The following FAM20A variants were observed in gnomAD, a reference collection of about 807,000 sequenced individuals.
FAM20A encodes FAM20A golgi associated secretory pathway pseudokinase.
A neutral mutation model predicts 52.0 loss-of-function variants in FAM20A; 42 were observed. The observed-to-expected ratio is 0.81, with a 90% CI of 0.63 to 1.04. The LOEUF (loss-of-function observed/expected upper bound fraction) is 1.04. Ranked by LOEUF, FAM20A falls within the 50% of genes least tolerant of loss-of-function variation. The pLI, the probability that FAM20A is intolerant of heterozygous loss-of-function variation, is 0.00. For missense variants in FAM20A, 742 were observed against 712.7 expected (o/e 1.04, Z -0.47); for synonymous variants, 304 against 298.9 (o/e 1.02, Z -0.18).
At chr17:68,556,900 A>G (rs1433088607) in intron 1 of FAM20A, among the ~76,000 whole-genome samples, 4 of 152,104 alleles carry the variant, frequency 2.6e-5, no homozygotes, top group African/African-American at 9.7e-5. Flanking sequence ...CAAAACAAAC[A>G]TGGCAGATTT....
chr17:68,571,808 T>G (rs888493620), intron 1 of FAM20A, among the ~76,000 whole-genome samples: 2 of 151,760 alleles, frequency 1.3e-5, no homozygotes, highest in African/African-American at 4.8e-5. Flanking sequence ...GAGGACCATC[T>G]TTAAGCAAAA....
chr17:68,562,987 C>T (rs118031422), intron 1 of FAM20A, among the ~76,000 whole-genome samples: 3,084 of 152,306 alleles, frequency 0.02, 57 homozygotes, highest in Middle Eastern at 0.034. Context: ...TCAAAGGCAT[C>T]GTTTGAGTGC....
At chr17:68,550,993 T>C (rs185175738) in intron 4 of FAM20A, 2 of 1,100,198 alleles carry the variant, frequency 1.8e-6, no homozygotes, top group Non-Finnish European at 2.3e-6. Context: ...AATCTGCCAG[T>C]CTAATTGTAT....
chr17:68,582,262 G>C (rs1272622975), intron 1 of FAM20A: 1 of 152,184 alleles, frequency 6.6e-6, no homozygotes, highest in African/African-American at 2.4e-5. Flanking sequence ...AGGGGAAGGG[G>C]GGCAGAGTTT....
At chr17:68,572,579 A>G (rs2087595435) in intron 1 of FAM20A, among the ~76,000 whole-genome samples, 3 of 152,100 alleles carry the variant, frequency 2.0e-5, no homozygotes, top group Non-Finnish European at 4.4e-5. Context: ...AAACCTCAGC[A>G]CTGCGTTTGT....
rs1354750427 is a variant in FAM20A at position 68,537,275 on chromosome 17, G to C, written c.*202C>G. ...GTGCTTTTTGGGAAAAACGGAGCAA[G>C]GCAACGCACGACAGAAGCGGTGCAC... On this transcript the variant is annotated 3_prime_UTR_variant, in exon 11 of 11. Coordinates refer to ENST00000592554, the MANE Select transcript of FAM20A (RefSeq NM_017565.4). This position sits in a 1 kb window ranked among gnomAD's most constrained non-coding sequence, Gnocchi z 4.2. 1 of 746,270 alleles carries C rather than the reference G, an allele frequency of 1.3e-6. No homozygotes were observed. The highest frequency in any genetic ancestry group is 2.3e-6 in the Non-Finnish European group (1 of 430,354). 46.2% of individuals were successfully genotyped at this position (746,270 alleles called of 1,614,324 possible).
chr17:68,557,018 G>T (rs1274137624), intron 1 of FAM20A, among the ~76,000 whole-genome samples: 2 of 151,902 alleles, frequency 1.3e-5, no homozygotes, highest in Non-Finnish European at 2.9e-5. Context: ...GGACAACAAT[G>T]ATAAAGCCCC....
chr17:68,553,915 T>C (rs1221888426), intron 3 of FAM20A, among the ~76,000 whole-genome samples: 2 of 131,378 alleles, frequency 1.5e-5, no homozygotes, highest in African/African-American at 5.6e-5. Flanking sequence ...TATACATATA[T>C]ACACACATAT....
chr17:68,570,659 AC>A (rs1269514912), intron 1 of FAM20A, among the ~76,000 whole-genome samples: 17 of 152,310 alleles, frequency 1.1e-4, no homozygotes, highest in African/African-American at 4.1e-4. Context: ...GTTAGGATGA[AC>A]CGAAATGATA....
chr17:68,551,779 C>T, intron 4 of FAM20A, 94 bp downstream of exon 4: 2 of 809,000 alleles, frequency 2.5e-6, no homozygotes, highest in Non-Finnish European at 2.1e-6. Flanking sequence ...GAATAACTGG[C>T]AGAAAGACTT....
rs1600564461 is a variant in FAM20A at position 68,551,181 on chromosome 17, G to T, written c.719+692C>A. 7 of 1,184,484 alleles carry T rather than the reference G, an allele frequency of 5.9e-6. No individual in the cohort carries two copies. The East Asian group carries it at 1.6e-4, about 27-fold the overall frequency. 73.4% of individuals were successfully genotyped at this position (1,184,484 alleles called of 1,614,324 possible). On this transcript the variant is annotated intron_variant, in intron 4 of 10. Transcript: ENST00000592554. ...CCTGTGGGCTGCAGATCCTTTGGGG[G>T]CCAGAAACCCAAACTCACACCAAGC...
In FAM20A at chr17:68,537,891, A is replaced by T; in HGVS notation, c.1362-150T>A. Reference sequence around the variant, plus strand: ...GCACATTTTAATGGAAACCAGGTAAAAAGGGAACAAATGAAAGGCAAAATC... The same window carrying T: ...GCACATTTTAATGGAAACCAGGTAATAAGGGAACAAATGAAAGGCAAAATC... On this transcript the variant is annotated intron_variant, in intron 10 of 10. Transcript: ENST00000592554. This position sits in a 1 kb window ranked among gnomAD's most constrained non-coding sequence, Gnocchi z 4.2. 1 of 951,700 alleles carries T rather than the reference A, an allele frequency of 1.1e-6. No individual in the cohort carries two copies. The highest frequency in any genetic ancestry group is 1.6e-6 in the Non-Finnish European group (1 of 622,378). 59.0% of individuals were successfully genotyped at this position (951,700 alleles called of 1,614,324 possible). A position where few individuals can be genotyped will look rare whatever the true frequency, so the allele number is the denominator to read the frequency against.
At chr17:68,554,963 T>G (rs2087012779) in intron 2 of FAM20A, 136 bp from the exon 3 acceptor site, 2 of 860,898 alleles carry the variant, frequency 2.3e-6, no homozygotes, top group African/African-American at 3.3e-5. Flanking sequence ...GACCACTCCG[T>G]GGGAGGTCTC....
intron 1 of FAM20A, among the ~76,000 whole-genome samples, chr17:68,569,595 A>T (rs371657585): frequency 6.6e-6 from 1 of 151,610 alleles, no homozygotes; most frequent in Non-Finnish European, 1.5e-5. Flanking sequence ...TTAAAGTCAC[A>T]CCAGCCACAC....
chr17:68,537,500 CAG>C lies in FAM20A; in HGVS notation c.1601_1602del (p.Ser534TrpfsTer4). 1 of 1,613,980 alleles carries C rather than the reference CAG, an allele frequency of 6.2e-7. No homozygotes were observed. The highest frequency in any genetic ancestry group is 8.5e-7 in the Non-Finnish European group (1 of 1,179,986). On this transcript the variant is annotated frameshift_variant, in exon 11 of 11. Coordinates refer to ENST00000592554, the MANE Select transcript of FAM20A (RefSeq NM_017565.4). LOFTEE classifies it high-confidence loss of function. This position sits in a 1 kb window ranked among gnomAD's most constrained non-coding sequence, Gnocchi z 4.2. Reference sequence around the variant, plus strand: ...CCTTAGCTTGTCAAGTTAGCCTGGCCAGAGTCTGGGGCCAACTGTTCCACTGG... The same window carrying C: ...CCTTAGCTTGTCAAGTTAGCCTGGCCAGTCTGGGGCCAACTGTTCCACTGG... ...DGPVEQLAPD[S>X]GQANLTS
rs773191671 is a variant in FAM20A at position 68,600,245 on chromosome 17, C to T, written c.404+18G>A. ...GGCCAGAGCGCCCGCTCTCCCGCGT[C>T]CCGGGCGGGGTCCTCACCTGTTCCA... On this transcript the variant is annotated intron_variant, in intron 1 of 10. Coordinates refer to ENST00000592554, the MANE Select transcript of FAM20A (RefSeq NM_017565.4). The surrounding 1 kb of genome is among the most constrained non-coding windows in gnomAD (Gnocchi z 6.2). 435 of 1,552,940 alleles carry T rather than the reference C, an allele frequency of 2.8e-4. No homozygotes were observed. The highest frequency in any genetic ancestry group is 3.5e-4 in the Non-Finnish European group (404 of 1,148,722).
At chr17:68,551,197 C>CA (rs1433666797) in intron 4 of FAM20A, 2 of 1,115,864 alleles carry the variant, frequency 1.8e-6, no homozygotes, top group African/African-American at 3.2e-5. Flanking sequence ...AACCCAAACT[C>CA]ACACCAAGCT....
chr17:68,563,354 C>T (rs1190315029), intron 1 of FAM20A, among the ~76,000 whole-genome samples: 1 of 148,012 alleles, frequency 6.8e-6, no homozygotes, highest in Non-Finnish European at 1.5e-5. Flanking sequence ...ACACTGCACT[C>T]CAGCCGAGGC....
rs76198642 is a variant in FAM20A, at chr17:68,556,585, G to T, written c.405-842C>A. Reference sequence around the variant, plus strand: ...CTAAAGAACGGGGCAGGGAGGGGGGGTGGTTTGGCTTGAAGGGGACAGGGA... The same window carrying T: ...CTAAAGAACGGGGCAGGGAGGGGGGTTGGTTTGGCTTGAAGGGGACAGGGA... On this transcript the variant is annotated intron_variant, in intron 1 of 10. Coordinates refer to ENST00000592554, the MANE Select transcript of FAM20A (RefSeq NM_017565.4). Among the ~76,000 whole-genome samples, 1,154 of 151,642 alleles carry T rather than the reference G, an allele frequency of 7.6e-3. 10 individuals are homozygous for T. Among genetic ancestry groups the T allele is most frequent in the African/African-American group, 0.026 (1,066 of 41,328 alleles).
Sources: gnomAD v4.1 joint callset for allele counts (sites outside exome capture counted in the v4.1 genomes callset) on GRCh38, gnomAD v4.1.1 for gene constraint, Gnocchi (gnomAD v3.1) non-coding constraint, MANE v1.5 for transcripts, NCBI Gene and HGNC (gene_info 2026-07-23, HGNC 2026-07-21) for gene names.